Variants in SERPINB5 observed in about 807,000 individuals in gnomAD.
SERPINB5 encodes serpin B5.
A neutral mutation model predicts 32.2 loss-of-function variants in SERPINB5; 27 were observed. The ratio of observed to expected loss-of-function variants is 0.84; its 90% CI spans 0.62 to 1.16. The LOEUF is 1.16. Among genes scored for constraint, SERPINB5 ranks in the 50% most tolerant of loss-of-function variants. The probability of loss-of-function intolerance (pLI) is 0.00; values close to 1 mark genes in which losing one functional copy is unlikely to be tolerated. For synonymous variants in SERPINB5, 154 were observed against 157.4 expected (o/e 0.98, Z 0.16); for missense variants, 388 against 436.3 (o/e 0.89, Z 0.99).
At chr18:63,496,549 T>C (rs764701918) in intron 5 of SERPINB5, among the ~76,000 whole-genome samples, 12 of 152,166 alleles carry the variant, frequency 7.9e-5, no homozygotes, top group Non-Finnish European at 1.5e-4. Flanking sequence ...CTGTGGCAAG[T>C]GTTAAAATAG....
At chr18:63,489,279 G>A in intron 3 of SERPINB5, 68 bp from the exon 4 acceptor site, 2 of 880,498 alleles carry the variant, frequency 2.3e-6, no homozygotes, top group Non-Finnish European at 3.6e-6. Flanking sequence ...TAATCCTTTT[G>A]TTAGAAGAGA....
At chr18:63,502,144 T>TG (rs1463345423) in intron 6 of SERPINB5, among the ~76,000 whole-genome samples, 2 of 151,460 alleles carry the variant, frequency 1.3e-5, no homozygotes. Flanking sequence ...ATGATTTTTT[T>TG]TTTTTTTTTG....
At chr18:63,490,891 T>C (rs999659659) in intron 4 of SERPINB5, among the ~76,000 whole-genome samples, 2 of 152,210 alleles carry the variant, frequency 1.3e-5, no homozygotes, top group Non-Finnish European at 2.9e-5. Flanking sequence ...ATAAGCTCTT[T>C]AGTGGTTACT....
chr18:63,486,046 C>G (rs1359966786), intron 2 of SERPINB5: 1 of 151,808 alleles, frequency 6.6e-6, no homozygotes, highest in South Asian at 2.1e-4. Flanking sequence ...TTTAAGCCCT[C>G]CAAATGATAG....
intron 5 of SERPINB5, among the ~76,000 whole-genome samples, chr18:63,497,833 C>G (rs111343486): frequency 1.3e-5 from 2 of 152,148 alleles, no homozygotes; most frequent in Admixed American, 6.6e-5. Context: ...TCTGAATTTA[C>G]AATTTCTTCA....
chr18:63,486,983 G>A lies in SERPINB5; in HGVS notation c.206G>A (p.Gly69Glu), dbSNP rs138319338. Residue 69 changes from glycine (G) to glutamate (E), a missense_variant, in exon 3 of 7, where the codon GGA (glycine) becomes GAA (glutamate). By Grantham distance (98) the Gly-to-Glu change is moderately conservative (BLOSUM62 -2). Coordinates refer to ENST00000382771, the MANE Select transcript of SERPINB5 (RefSeq NM_002639.5). ...HFENVKDVPF[G>E]FQTVTSDVNK... is the part of the protein sequence containing the mutation. Reference sequence around the variant, plus strand: ...GAAAATGTCAAAGATGTACCCTTTGGATTTCAAACAGTAACATCGGATGTA... The same window carrying A: ...GAAAATGTCAAAGATGTACCCTTTGAATTTCAAACAGTAACATCGGATGTA... 17 of 1,613,988 alleles carry A rather than the reference G, an allele frequency of 1.1e-5. No individual in the cohort carries two copies. The highest frequency in any genetic ancestry group is 1.4e-5 in the Non-Finnish European group (17 of 1,179,988).
In SERPINB5 at chr18:63,503,507, T is replaced by C; in HGVS notation, c.913T>C (p.Ser305Pro). ...HIFSEDTSDF[S>P]GMSETKGVAL... ...CTTCAGTGAAGACACATCTGATTTC[T>C]CTGGAATGTCAGAGACCAAGGGAGT... The change falls in exon 7 of 7, where the codon TCT becomes CCT. Residue 305 changes from serine to proline, a missense_variant. Ser to Pro is a moderately conservative substitution (Grantham distance 74, BLOSUM62 -1). Coordinates refer to ENST00000382771, the MANE Select transcript of SERPINB5 (RefSeq NM_002639.5). The C allele has an allele frequency of 6.2e-7, 1 of 1,614,218 alleles. No individual in the cohort carries two copies. The highest frequency in any genetic ancestry group is 8.5e-7 in the Non-Finnish European group (1 of 1,180,020).
chr18:63,497,256 G>A (rs1909467012), intron 5 of SERPINB5: 10 of 954,110 alleles, frequency 1.0e-5, no homozygotes, highest in East Asian at 5.3e-5. Flanking sequence ...TTGGAATAGC[G>A]TTTGGCAGCT....
rs375567698 is a variant in SERPINB5 at position 63,489,745 on chromosome 18, G to A, written c.424+281G>A. 5.1e-4 allele frequency among the ~76,000 whole-genome samples: 78 copies of A among 152,242 alleles called. No individual in the cohort carries two copies. In the South Asian group the frequency reaches 0.014, roughly 28 times the overall value. ...CAGGCCCTAGTGGAATCCTAGCTGC[G>A]CCTCTAACAAAGTATGACTTTGGGC... On this transcript the variant is annotated intron_variant, in intron 4 of 6. Transcript: ENST00000382771.
In SERPINB5 at chr18:63,503,758, C is replaced by G; in HGVS notation, c.*36C>G. On this transcript the variant is annotated 3_prime_UTR_variant, in exon 7 of 7. Transcript: ENST00000382771. ...CCATGTTAAGTCCTCCCTGACTTTTCTGTGGATGCCGATTTCTGTAAACTC... is the reference window on the plus strand; with the variant it reads ...CCATGTTAAGTCCTCCCTGACTTTTGTGTGGATGCCGATTTCTGTAAACTC... The G allele has an allele frequency of 6.3e-7, 1 of 1,589,336 alleles. No individual in the cohort carries two copies. The highest frequency in any genetic ancestry group is 8.6e-7 in the Non-Finnish European group (1 of 1,165,522).
intron 5 of SERPINB5, chr18:63,497,407 G>T: frequency 8.9e-7 from 1 of 1,129,400 alleles, no homozygotes; most frequent in East Asian, 2.5e-5. Flanking sequence ...GTGAAGCTCT[G>T]TGGGGGTCAC....
At chr18:63,500,804 C>A (rs1445938684) in intron 6 of SERPINB5, among the ~76,000 whole-genome samples, 1 of 152,184 alleles carries the variant, frequency 6.6e-6, no homozygotes, top group Non-Finnish European at 1.5e-5. Flanking sequence ...CATCCAGTCT[C>A]CAGCTTGCTC....
At chr18:63,494,509 A>G (rs1676116456) in intron 5 of SERPINB5, among the ~76,000 whole-genome samples, 1 of 152,144 alleles carries the variant, frequency 6.6e-6, no homozygotes, top group Non-Finnish European at 1.5e-5. Flanking sequence ...AGTTAGTACA[A>G]TACTTGAAGG....
At chr18:63,502,130 G>T (rs1385389846) in intron 6 of SERPINB5, among the ~76,000 whole-genome samples, 1 of 143,204 alleles carries the variant, frequency 7.0e-6, no homozygotes, top group Non-Finnish European at 1.5e-5. Flanking sequence ...TTTGAGTTTT[G>T]GAAATGATTT....
chr18:63,485,621 A>G (rs190432239), intron 2 of SERPINB5: 10 of 152,314 alleles, frequency 6.6e-5, no homozygotes, highest in South Asian at 4.1e-4. Context: ...CCCATTCCTC[A>G]TTTCTCATCT....
intron 4 of SERPINB5, 48 bp downstream of exon 4, chr18:63,489,512 C>CTTG: frequency 2.0e-6 from 2 of 1,004,648 alleles, no homozygotes; most frequent in Non-Finnish European, 3.1e-6. Flanking sequence ...GTAAACAGGG[C>CTTG]CTTCCATCTC....
At chr18:63,489,683 G>A (rs1335363619) in intron 4 of SERPINB5, among the ~76,000 whole-genome samples, 2 of 152,176 alleles carry the variant, frequency 1.3e-5, no homozygotes, top group African/African-American at 4.8e-5. Context: ...ATGCTTCAGT[G>A]TTAGTTTACT....
intron 4 of SERPINB5, 121 bp from the exon 5 acceptor site, chr18:63,492,832 C>T (rs2144502779): frequency 8.2e-7 from 1 of 1,222,774 alleles, no homozygotes; most frequent in South Asian, 1.5e-5. Context: ...TGGTTGGAAC[C>T]ATCAGGCCTT....
intron 1 of SERPINB5, among the ~76,000 whole-genome samples, chr18:63,483,683 C>T (rs778320516): frequency 6.6e-6 from 1 of 152,204 alleles, no homozygotes; most frequent in East Asian, 1.9e-4. Flanking sequence ...CCTCCAATCT[C>T]TGCCTCCATT....
Sources: allele counts gnomAD v4.1 joint callset (sites outside exome capture counted in the v4.1 genomes callset), GRCh38; gene constraint gnomAD v4.1.1; transcripts MANE v1.5; gene names NCBI Gene and HGNC (gene_info 2026-07-23, HGNC 2026-07-21).